Variants in RXFP1 observed in about 807,000 individuals in gnomAD.
The protein encoded by RXFP1 is relaxin family peptide receptor 1, also known as relaxin receptor 1.
Under a neutral mutation model 89.8 loss-of-function variants are expected in RXFP1, and 73 were observed. The ratio of observed to expected loss-of-function variants is 0.81; its 90% CI spans 0.67 to 0.99. RXFP1 has a LOEUF of 0.99. Among genes scored for constraint, RXFP1 ranks in the 50% least tolerant of loss-of-function variants. The pLI is 0.00. For missense variants in RXFP1, 793 were observed against 895.5 expected (o/e 0.89, Z 1.46); for synonymous variants, 277 against 305.5 (o/e 0.91, Z 0.97).
intron 2 of RXFP1, among the ~76,000 whole-genome samples, chr4:158,587,303 T>G (rs961749467): frequency 1.3e-5 from 2 of 152,252 alleles, no homozygotes; most frequent in Admixed American, 6.5e-5. Flanking sequence ...ACTTACATGC[T>G]TTATTTGTAA....
chr4:158,623,711 T>A (rs1294857126), intron 9 of RXFP1, among the ~76,000 whole-genome samples: 1 of 152,164 alleles, frequency 6.6e-6, no homozygotes, highest in Non-Finnish European at 1.5e-5. Context: ...CTTCTCTGCA[T>A]TCACATATAG....
intron 2 of RXFP1, among the ~76,000 whole-genome samples, chr4:158,578,893 T>C (rs930818623): frequency 2.0e-5 from 3 of 151,138 alleles, no homozygotes; most frequent in African/African-American, 7.3e-5. Context: ...ACATTTTGGG[T>C]CGTGTAGTGT....
intron 2 of RXFP1, among the ~76,000 whole-genome samples, chr4:158,573,917 G>C (rs1036779648): frequency 8.5e-5 from 13 of 152,136 alleles, no homozygotes; most frequent in African/African-American, 3.1e-4. Context: ...CTTTTGGGAC[G>C]AAAAGTGAGT....
chr4:158,589,159 A>G lies in RXFP1; in HGVS notation c.188-4242A>G, dbSNP rs137989203. Among the ~76,000 whole-genome samples the G allele has an allele frequency of 3.1e-3, 473 of 152,282 alleles. 3 individuals carry two copies. Among genetic ancestry groups the G allele is most frequent in the African/African-American group, 0.011 (459 of 41,558 alleles). ...GCCCCTTATAAAACCATCAGATCTC[A>G]TGAAAACTCACTCACTAGCAGGAGA... On this transcript the variant is annotated intron_variant, in intron 2 of 17. Transcript: ENST00000307765.
At chr4:158,644,595 A>C (rs1009999074) in intron 14 of RXFP1, among the ~76,000 whole-genome samples, 12 of 152,204 alleles carry the variant, frequency 7.9e-5, no homozygotes, top group Non-Finnish European at 1.2e-4. Context: ...AACCATTGCG[A>C]GTACGATAAC....
chr4:158,608,376 C>T (rs1383504201), intron 6 of RXFP1, among the ~76,000 whole-genome samples: 1 of 146,412 alleles, frequency 6.8e-6, no homozygotes, highest in Admixed American at 6.9e-5. Flanking sequence ...CAGCCTCCGC[C>T]TTCCAGGTTC....
chr4:158,583,082 G>C (rs1757682297), intron 2 of RXFP1, among the ~76,000 whole-genome samples: 1 of 152,202 alleles, frequency 6.6e-6, no homozygotes, highest in African/African-American at 2.4e-5. Context: ...GAATTTAAGA[G>C]AAGGAAAACT....
At chr4:158,565,594 A>T (rs1456545421) in intron 1 of RXFP1, among the ~76,000 whole-genome samples, 2 of 152,210 alleles carry the variant, frequency 1.3e-5, no homozygotes, top group East Asian at 1.9e-4. Context: ...GTGCTCAAAA[A>T]ATGATGCATA....
intron 17 of RXFP1, 40 bp from the exon 18 acceptor site, chr4:158,651,717 C>T (rs372704717): frequency 6.7e-6 from 10 of 1,490,642 alleles, no homozygotes; most frequent in South Asian, 1.3e-5. Flanking sequence ...ACCTTGTAAA[C>T]ATCTATAAAC....
At chr4:158,599,670 T>A (rs1175238785) in intron 4 of RXFP1, among the ~76,000 whole-genome samples, 3 of 152,192 alleles carry the variant, frequency 2.0e-5, no homozygotes, top group African/African-American at 7.2e-5. Context: ...AGTGTCACCA[T>A]ATTTTATCTA....
rs990267225 is a variant in RXFP1 at position 158,587,784 on chromosome 4, A to G, written c.188-5617A>G. Among the ~76,000 whole-genome samples, 13 of 152,180 alleles carry G rather than the reference A, an allele frequency of 8.5e-5. 1 individual carries two copies. In the East Asian group the frequency reaches 2.5e-3, roughly 29 times the overall value. On this transcript the variant is annotated intron_variant, in intron 2 of 17. Coordinates refer to ENST00000307765, the MANE Select transcript of RXFP1 (RefSeq NM_021634.4). ...CTTCTATCTGGGTTTCTGCTTATAT[A>G]TATCTGTAAGTGGAGATGATGATAA...
chr4:158,624,193 A>G (rs1561152575), intron 9 of RXFP1, among the ~76,000 whole-genome samples: 1 of 152,178 alleles, frequency 6.6e-6, no homozygotes, highest in Non-Finnish European at 1.5e-5. Flanking sequence ...TTAGCCTAAA[A>G]CAGGAGAAGG....
intron 6 of RXFP1, among the ~76,000 whole-genome samples, chr4:158,610,237 C>T (rs185971002): frequency 5.9e-5 from 9 of 152,240 alleles, no homozygotes; most frequent in Admixed American, 5.9e-4. Context: ...TGCACTCCAG[C>T]CTGGGCATCA....
At chr4:158,584,774 T>C (rs2150040306) in intron 2 of RXFP1, among the ~76,000 whole-genome samples, 1 of 152,252 alleles carries the variant, frequency 6.6e-6, no homozygotes, top group East Asian at 1.9e-4. Flanking sequence ...ATCTAATAAG[T>C]AGGAGTAAAG....
rs535127658 is a variant in RXFP1 at position 158,568,897 on chromosome 4, T to A, written c.50-3801T>A. Among the ~76,000 whole-genome samples the A allele has an allele frequency of 3.3e-5, 5 of 152,346 alleles. No homozygotes were observed. The South Asian group carries it at 1.0e-3, about 32-fold the overall frequency. On this transcript the variant is annotated intron_variant, in intron 1 of 17. Coordinates refer to ENST00000307765, the MANE Select transcript of RXFP1 (RefSeq NM_021634.4). ...CATTGACCCCAAATACATTTTTACA[T>A]AATAAGCTTTTAATGATTATTCAAA...
intron 4 of RXFP1, among the ~76,000 whole-genome samples, chr4:158,601,546 A>G (rs917968785): frequency 6.6e-6 from 1 of 152,232 alleles, no homozygotes; most frequent in African/African-American, 2.4e-5. Flanking sequence ...ACTTGATTCC[A>G]GTTGTCCATT....
At chr4:158,639,108 T>G in intron 13 of RXFP1, 152 bp from the exon 14 acceptor site, 1 of 523,628 alleles carries the variant, frequency 1.9e-6, no homozygotes, top group Non-Finnish European at 3.4e-6. Context: ...AGGAGGAGGA[T>G]TTGGGGAAGT....
Position 158,521,906 on chromosome 4 carries a change from G to T in RXFP1, c.-71G>T. On this transcript the variant is annotated 5_prime_UTR_variant, in exon 1 of 18. Transcript: ENST00000307765. ...CAGAAATAGCACACAACCACTGTGA[G>T]CTGTATGCGATTCAGAAACCAAGAC... The T allele has an allele frequency of 1.0e-6, 1 of 956,960 alleles. No individual in the cohort carries two copies. The allele number at this position is 956,960 out of a possible 1,614,324, so 59.3% of individuals were successfully genotyped here. A position where few individuals can be genotyped will look rare whatever the true frequency, so the allele number is the denominator to read the frequency against.
intron 1 of RXFP1, among the ~76,000 whole-genome samples, chr4:158,526,162 A>G (rs1742456294): frequency 6.6e-6 from 1 of 152,234 alleles, no homozygotes; most frequent in Admixed American, 6.5e-5. Flanking sequence ...AGCTGGTGCT[A>G]TCTGCTTTGT....
Sources: allele counts gnomAD v4.1 joint callset (sites outside exome capture counted in the v4.1 genomes callset), GRCh38; gene constraint gnomAD v4.1.1; transcripts MANE v1.5; gene names NCBI Gene and HGNC (gene_info 2026-07-23, HGNC 2026-07-21).